Variants in TSPAN18 observed in about 807,000 individuals in gnomAD.
TSPAN18 encodes tetraspanin 18.
TSPAN18 carries 14 observed loss-of-function variants against 27.3 expected under a neutral mutation model. The ratio of observed to expected loss-of-function variants is 0.51; its 90% CI spans 0.34 to 0.80. The LOEUF (loss-of-function observed/expected upper bound fraction) is 0.80, where lower values mean the gene tolerates loss of function less well. Among genes scored for constraint, TSPAN18 ranks in the 30% least tolerant of loss-of-function variants. The probability of loss-of-function intolerance (pLI) is 0.01; values close to 1 mark genes in which losing one functional copy is unlikely to be tolerated. For synonymous variants in TSPAN18, 143 were observed against 136.5 expected (o/e 1.05, Z -0.33); for missense variants, 268 against 323.9 (o/e 0.83, Z 1.32).
At chr11:44,746,099 C>T (rs1351080950) in intron 1 of TSPAN18, among the ~76,000 whole-genome samples, 1 of 152,170 alleles carries the variant, frequency 6.6e-6, no homozygotes, top group Non-Finnish European at 1.5e-5. Flanking sequence ...CATAAAACTC[C>T]AGATTTCTGG....
chr11:44,926,080 GA>G (rs1860341747), intron 8 of TSPAN18, among the ~76,000 whole-genome samples: 1 of 152,244 alleles, frequency 6.6e-6, no homozygotes, highest in Non-Finnish European at 1.5e-5. Context: ...GGCTGGTTCA[GA>G]AAGCTGCCCG....
intron 2 of TSPAN18, among the ~76,000 whole-genome samples, chr11:44,836,181 G>T (rs1857260226): frequency 6.6e-6 from 1 of 152,234 alleles, no homozygotes; most frequent in Non-Finnish European, 1.5e-5. Context: ...AATGAGACAG[G>T]CCGAAAGCTA....
intron 2 of TSPAN18, among the ~76,000 whole-genome samples, chr11:44,807,529 A>G (rs866119668): frequency 9.1e-4 from 45 of 49,670 alleles, no homozygotes; most frequent in Middle Eastern, 0.012. Flanking sequence ...CTCCATCTCA[A>G]AAAAAAAAAA....
chr11:44,805,731 T>C (rs1590502396), intron 2 of TSPAN18, among the ~76,000 whole-genome samples: 1 of 152,080 alleles, frequency 6.6e-6, no homozygotes, highest in Non-Finnish European at 1.5e-5. Context: ...GCTGGCAGGG[T>C]CGTGCTCCCT....
chr11:44,904,742 T>G (rs903345939), intron 3 of TSPAN18, among the ~76,000 whole-genome samples: 3 of 152,228 alleles, frequency 2.0e-5, no homozygotes, highest in Non-Finnish European at 4.4e-5. Context: ...ACCGCTCTGC[T>G]CCATCTGTTC....
At chr11:44,801,664 G>A (rs554146471) in intron 2 of TSPAN18, among the ~76,000 whole-genome samples, 15 of 152,278 alleles carry the variant, frequency 9.9e-5, no homozygotes, top group African/African-American at 2.2e-4. Flanking sequence ...TCCCAGCTCC[G>A]TTTTCCCAGT....
chr11:44,827,827 G>A (rs1857075808), intron 2 of TSPAN18, among the ~76,000 whole-genome samples: 1 of 152,212 alleles, frequency 6.6e-6, no homozygotes, highest in African/African-American at 2.4e-5. Context: ...TGTTGGCAGA[G>A]AAAGGAGAGG....
intron 2 of TSPAN18, among the ~76,000 whole-genome samples, chr11:44,830,060 C>T (rs902489290): frequency 5.9e-5 from 9 of 152,180 alleles, no homozygotes; most frequent in East Asian, 3.9e-4. Flanking sequence ...CACAAGGTTA[C>T]GTCACTTCCT....
intron 1 of TSPAN18, among the ~76,000 whole-genome samples, chr11:44,752,410 C>T (rs1246150547): frequency 6.6e-6 from 1 of 152,064 alleles, no homozygotes; most frequent in East Asian, 1.9e-4. Context: ...GACACAGGGT[C>T]TCACTCTGTT....
intron 2 of TSPAN18, among the ~76,000 whole-genome samples, chr11:44,818,938 TACGTCCCTCCCA>T (rs1306712986): frequency 6.6e-6 from 1 of 152,110 alleles, no homozygotes. Flanking sequence ...GGTGATCTCT[TACGTCCCTCCCA>T]ACCCTGGTAG....
At chr11:44,784,653 C>A (rs925656391) in intron 2 of TSPAN18, among the ~76,000 whole-genome samples, 4 of 152,186 alleles carry the variant, frequency 2.6e-5, no homozygotes, top group African/African-American at 9.7e-5. Flanking sequence ...CTGCCACCCC[C>A]ACCTTGTTCT....
At chr11:44,806,900 T>A (rs928169782) in intron 2 of TSPAN18, among the ~76,000 whole-genome samples, 15 of 152,174 alleles carry the variant, frequency 9.9e-5, no homozygotes, top group Non-Finnish European at 2.2e-4. Flanking sequence ...GGCACTCACA[T>A]GAACTGGAAT....
At chr11:44,838,370 C>T (rs553240959) in intron 2 of TSPAN18, among the ~76,000 whole-genome samples, 1 of 152,154 alleles carries the variant, frequency 6.6e-6, no homozygotes, top group South Asian at 2.1e-4. Context: ...CGGGAAAGAC[C>T]CACCCCCATG....
chr11:44,873,993 C>T (rs1397112723), intron 3 of TSPAN18, among the ~76,000 whole-genome samples: 1 of 152,188 alleles, frequency 6.6e-6, no homozygotes, highest in African/African-American at 2.4e-5. Context: ...CACCTGTCCC[C>T]ACCTTGGACC....
chr11:44,884,458 G>A (rs1266568047), intron 3 of TSPAN18, among the ~76,000 whole-genome samples: 3 of 152,210 alleles, frequency 2.0e-5, no homozygotes, highest in African/African-American at 7.2e-5. Flanking sequence ...TCAGGCCCCT[G>A]GCCTCGATGG....
In TSPAN18 at chr11:44,885,031, C is replaced by T. The variant is rs140407518; in HGVS notation, c.-10-21376C>T. 5.0e-4 allele frequency among the ~76,000 whole-genome samples: 76 copies of T among 152,298 alleles called. 1 individual carries two copies. In the East Asian group the frequency reaches 0.013, roughly 25 times the overall value. On this transcript the variant is annotated intron_variant, in intron 3 of 9. Transcript: ENST00000520358. Reference sequence around the variant, plus strand: ...TGTCCCAGAGTCATGCCCAGTTGTCCACGTGCTCTCTATGGCTGTTTTCTC... The same window carrying T: ...TGTCCCAGAGTCATGCCCAGTTGTCTACGTGCTCTCTATGGCTGTTTTCTC...
At position 44,795,119 on chromosome 11, in the gene TSPAN18, C is replaced by T. The variant is rs193011064; in HGVS notation, c.-153+30607C>T. 5.1e-3 allele frequency among the ~76,000 whole-genome samples: 707 copies of T among 138,956 alleles called. 6 individuals are homozygous for T. The highest frequency in any genetic ancestry group is 0.017 in the African/African-American group (660 of 38,520). 91.2% of individuals were successfully genotyped at this position (138,956 alleles called of 152,430 possible). A position where few individuals can be genotyped will look rare whatever the true frequency, so the allele number is the denominator to read the frequency against. On this transcript the variant is annotated intron_variant, in intron 2 of 9. Coordinates refer to ENST00000520358, the MANE Select transcript of TSPAN18 (RefSeq NM_130783.5). Reference sequence around the variant, plus strand: ...GGGGTCTTCCCATCATACCTAGAGTCAGATCTAAGTTCCTTATTGTGGCTG... The same window carrying T: ...GGGGTCTTCCCATCATACCTAGAGTTAGATCTAAGTTCCTTATTGTGGCTG...
At chr11:44,765,483 T>C (rs1289417663) in intron 2 of TSPAN18, among the ~76,000 whole-genome samples, 2 of 152,168 alleles carry the variant, frequency 1.3e-5, no homozygotes. Context: ...ACCAGCAATA[T>C]GATGGAGGGC....
intron 2 of TSPAN18, among the ~76,000 whole-genome samples, chr11:44,809,519 T>C (rs1856669894): frequency 6.6e-6 from 1 of 152,258 alleles, no homozygotes; most frequent in South Asian, 2.1e-4. Flanking sequence ...GGTCCATAGA[T>C]GCGTCTGGCT....
Sources: gnomAD v4.1 joint callset for allele counts (sites outside exome capture counted in the v4.1 genomes callset) on GRCh38, gnomAD v4.1.1 for gene constraint, MANE v1.5 for transcripts, NCBI Gene and HGNC (gene_info 2026-07-23, HGNC 2026-07-21) for gene names.